NR2C2: variants seen among roughly 807,000 people sequenced by gnomAD.
The protein encoded by NR2C2 is nuclear receptor subfamily 2 group C member 2.
NR2C2 carries 6 observed loss-of-function variants against 62.9 expected under a neutral mutation model. That is an observed-to-expected ratio of 0.10 (90% CI 0.05 to 0.19). The LOEUF is 0.19. Ranked by LOEUF, NR2C2 falls within the 10% of genes least tolerant of loss-of-function variation. The probability of loss-of-function intolerance (pLI) is 1.00; values close to 1 mark genes in which losing one functional copy is unlikely to be tolerated. For synonymous variants in NR2C2, 272 were observed against 273.8 expected (o/e 0.99, Z 0.07); for missense variants, 479 against 762.7 (o/e 0.63, Z 4.38).
At chr3:14,982,185 C>T (rs958053877) in intron 1 of NR2C2, among the ~76,000 whole-genome samples, 12 of 152,164 alleles carry the variant, frequency 7.9e-5, no homozygotes, top group Non-Finnish European at 1.3e-4. Context: ...CCACCTCACC[C>T]TTCCAAGTAG....
rs547721692 is a variant in NR2C2, at chr3:14,954,718, A to T, written c.-40+6812A>T. Among the ~76,000 whole-genome samples the T allele has an allele frequency of 4.6e-5, 7 of 152,294 alleles. 2 individuals are homozygous for T. In the East Asian group the frequency reaches 1.2e-3, roughly 25 times the overall value. On this transcript the variant is annotated intron_variant, in intron 1 of 13. Coordinates refer to ENST00000425241, the MANE Select transcript of NR2C2 (RefSeq NM_001291694.2). Reference sequence around the variant, plus strand: ...TATTGACTATGGGAAGGGGTGTGAGAGGGACTTTTGGGGGTATTGGTAATG... The same window carrying T: ...TATTGACTATGGGAAGGGGTGTGAGTGGGACTTTTGGGGGTATTGGTAATG...
Position 15,035,581 on chromosome 3 carries a change from G to C in NR2C2, c.1372+772G>C, listed in dbSNP as rs150953916. On this transcript the variant is annotated intron_variant, in intron 11 of 13. Transcript: ENST00000425241. ...CTGATAAGGTCCCTGGCTTGCCCCAGATGAAACAGTAAGTACAAAAACTAG... is the reference window on the plus strand; with the variant it reads ...CTGATAAGGTCCCTGGCTTGCCCCACATGAAACAGTAAGTACAAAAACTAG... 4.4e-3 allele frequency among the ~76,000 whole-genome samples: 673 copies of C among 152,360 alleles called. 1 individual carries two copies. The highest frequency in any genetic ancestry group is 0.015 in the African/African-American group (643 of 41,598).
chr3:14,966,152 GATAATTA>G (rs1323067679), intron 1 of NR2C2, among the ~76,000 whole-genome samples: 4 of 152,196 alleles, frequency 2.6e-5, no homozygotes, highest in Non-Finnish European at 5.9e-5. Context: ...CAAATTGAGA[GATAATTA>G]ATAGTCAGTT....
intron 1 of NR2C2, among the ~76,000 whole-genome samples, chr3:14,983,613 C>A (rs1265631477): frequency 6.6e-6 from 1 of 152,092 alleles, no homozygotes; most frequent in Non-Finnish European, 1.5e-5. Context: ...AGAAGGTTCC[C>A]TTTTCTCCTC....
At chr3:14,953,894 C>CA (rs538255184) in intron 1 of NR2C2, among the ~76,000 whole-genome samples, 14,402 of 73,846 alleles carry the variant, frequency 0.2, 1,348 homozygotes, top group African/African-American at 0.35. Flanking sequence ...GACTTCATCT[C>CA]AAAAAAAAAA....
intron 1 of NR2C2, among the ~76,000 whole-genome samples, chr3:14,970,423 C>T: frequency 6.6e-6 from 1 of 152,104 alleles, no homozygotes; most frequent in Middle Eastern, 3.2e-3. Flanking sequence ...CACCACCATC[C>T]ATCTCTAGAA....
At chr3:15,021,717 G>A (rs1321477966) in intron 5 of NR2C2, among the ~76,000 whole-genome samples, 1 of 152,230 alleles carries the variant, frequency 6.6e-6, no homozygotes, top group Non-Finnish European at 1.5e-5. Flanking sequence ...CGAGGACCCA[G>A]GACTGCAGGC....
At chr3:15,024,747 C>T (rs562959751) in intron 7 of NR2C2, among the ~76,000 whole-genome samples, 1 of 152,240 alleles carries the variant, frequency 6.6e-6, no homozygotes, top group African/African-American at 2.4e-5. Context: ...TTTTTCCAGG[C>T]CAGGGAACTC....
chr3:14,958,743 T>C (rs1223833864), intron 1 of NR2C2, among the ~76,000 whole-genome samples: 1 of 152,232 alleles, frequency 6.6e-6, no homozygotes, highest in Non-Finnish European at 1.5e-5. Flanking sequence ...TTTGGAAGGC[T>C]GAGGCAGGCA....
intron 4 of NR2C2, among the ~76,000 whole-genome samples, chr3:15,019,463 G>A (rs2041609643): frequency 6.6e-6 from 1 of 152,124 alleles, no homozygotes. Context: ...AGAAATATCT[G>A]CACTCCCACG....
Position 15,049,055 on chromosome 3 carries a change from T to TA in NR2C2, c.*6053dup, listed in dbSNP as rs2042555419. On this transcript the variant is annotated 3_prime_UTR_variant, in exon 14 of 14. Transcript: ENST00000425241. ...ATCACTTTGTTTATGTGATGGCATT[T>TA]AAAAAATAGCATGTTCTTTTTAAAC... 2 of 152,666 alleles carry TA rather than the reference T, an allele frequency of 1.3e-5. No homozygotes were observed. Among genetic ancestry groups the TA allele is most frequent in the South Asian group, 2.1e-4 (1 of 4,832 alleles). 9.5% of individuals were successfully genotyped at this position (152,666 alleles called of 1,614,324 possible).
chr3:14,958,140 A>G (rs946829238), intron 1 of NR2C2, among the ~76,000 whole-genome samples: 1 of 152,210 alleles, frequency 6.6e-6, no homozygotes, highest in African/African-American at 2.4e-5. Context: ...CACTCATAGC[A>G]TTTGCTTTGC....
chr3:15,034,712 G>A lies in NR2C2; in HGVS notation c.1275G>A (p.Glu425=). The A allele has an allele frequency of 6.2e-7, 1 of 1,614,182 alleles. No individual in the cohort carries two copies. Among genetic ancestry groups the A allele is most frequent in the African/African-American group, 1.3e-5 (1 of 75,052 alleles). Residue 425 remains glutamate (E), a synonymous_variant, in exon 11 of 14, where the codon GAG becomes GAA. Coordinates refer to ENST00000425241, the MANE Select transcript of NR2C2 (RefSeq NM_001291694.2). ...GCCTTGTGCGGGCCTGCTGGAATGA[G>A]CTCTTCACCCTCGGCCTGGCCCAGT... is the stretch of plus-strand genomic sequence containing the variant. ...NTSLVRACWN[E]LFTLGLAQCA...
At chr3:15,025,822 A>G (rs1351636171) in intron 7 of NR2C2, 2 of 152,190 alleles carry the variant, frequency 1.3e-5, no homozygotes, top group Non-Finnish European at 2.9e-5. Flanking sequence ...CTCTTCTTCA[A>G]CTTCATTTCC....
intron 1 of NR2C2, among the ~76,000 whole-genome samples, chr3:14,955,162 G>C (rs2039486096): frequency 6.6e-6 from 1 of 152,110 alleles, no homozygotes; most frequent in Non-Finnish European, 1.5e-5. Flanking sequence ...GCGTGTTGTA[G>C]TTAAGTAAAA....
At chr3:15,007,213 C>T (rs1247632964) in intron 2 of NR2C2, among the ~76,000 whole-genome samples, 2 of 151,062 alleles carry the variant, frequency 1.3e-5, no homozygotes, top group Admixed American at 6.6e-5. Flanking sequence ...CTGCAACCTC[C>T]GCCTCCCGGG....
chr3:14,991,479 CCCCTGCCTAACA>C (rs1402162749), intron 1 of NR2C2, among the ~76,000 whole-genome samples: 2 of 152,156 alleles, frequency 1.3e-5, no homozygotes, highest in East Asian at 3.9e-4. Context: ...CTGGAGGTGT[CCCCTGCCTAACA>C]CCCTTTACCC....
At chr3:14,995,779 C>T (rs1383564769) in intron 1 of NR2C2, among the ~76,000 whole-genome samples, 1 of 151,964 alleles carries the variant, frequency 6.6e-6, no homozygotes, top group Non-Finnish European at 1.5e-5. Flanking sequence ...GAGACTGCAC[C>T]ATTTTATGTT....
intron 1 of NR2C2, among the ~76,000 whole-genome samples, chr3:14,957,447 A>G (rs1298460035): frequency 6.6e-6 from 1 of 152,154 alleles, no homozygotes; most frequent in African/African-American, 2.4e-5. Flanking sequence ...ATTCAAAGTC[A>G]TTGTTCTGTT....
Sources: allele counts gnomAD v4.1 joint callset (sites outside exome capture counted in the v4.1 genomes callset), GRCh38; gene constraint gnomAD v4.1.1; transcripts MANE v1.5; gene names NCBI Gene and HGNC (gene_info 2026-07-23, HGNC 2026-07-21).